The following CCDC192 variants were observed in gnomAD, a reference collection of about 807,000 sequenced individuals.
CCDC192 encodes coiled-coil domain containing 192, also known as coiled-coil domain-containing protein 192.
intron 6 of CCDC192, among the ~76,000 whole-genome samples, chr5:127,938,530 A>G (rs1754247035): frequency 6.6e-6 from 1 of 152,214 alleles, no homozygotes; most frequent in African/African-American, 2.4e-5. Context: ...ACAGAAATAT[A>G]ATGGGAGCCA....
Position 127,890,715 on chromosome 5 carries a change from A to G in CCDC192, c.535+15054A>G, listed in dbSNP as rs73785721. On this transcript the variant is annotated intron_variant, in intron 6 of 6. Coordinates refer to ENST00000514853, the MANE Select transcript of CCDC192 (RefSeq NM_001317938.2). The stretch of plus-strand genomic sequence containing the variant: ...CCATTGCCTGTGAAATAAAATTAAC[A>G]TATTTTAGCCTGACATTCAGGGCCC... Among the ~76,000 whole-genome samples the G allele has an allele frequency of 4.2e-3, 646 of 152,356 alleles. 6 individuals are homozygous for G. The highest frequency in any genetic ancestry group is 0.015 in the African/African-American group (618 of 41,582).
intron 6 of CCDC192, among the ~76,000 whole-genome samples, chr5:127,900,188 C>T (rs757299789): frequency 2.0e-5 from 3 of 152,224 alleles, no homozygotes; most frequent in South Asian, 2.1e-4. Flanking sequence ...ACCGGAATAG[C>T]GTTACAAAAT....
chr5:127,740,803 A>C (rs1440537747), intron 2 of CCDC192, among the ~76,000 whole-genome samples: 1 of 152,162 alleles, frequency 6.6e-6, no homozygotes, highest in Non-Finnish European at 1.5e-5. Context: ...CACTTTACTC[A>C]TGAGCTGACT....
At chr5:127,757,202 A>G (rs1277467262) in intron 3 of CCDC192, among the ~76,000 whole-genome samples, 2 of 152,212 alleles carry the variant, frequency 1.3e-5, no homozygotes, top group African/African-American at 4.8e-5. Flanking sequence ...TATGACTCCA[A>G]GATAAACTGC....
chr5:127,899,189 C>A (rs1037876065), intron 6 of CCDC192, among the ~76,000 whole-genome samples: 1 of 152,044 alleles, frequency 6.6e-6, no homozygotes, highest in Non-Finnish European at 1.5e-5. Context: ...ACAGGGGGAG[C>A]TTCTTTTCAA....
At chr5:127,784,110 C>T (rs1368987988) in intron 3 of CCDC192, among the ~76,000 whole-genome samples, 2 of 152,256 alleles carry the variant, frequency 1.3e-5, no homozygotes, top group East Asian at 3.9e-4. Flanking sequence ...TTAAGTGGAG[C>T]AATATGGCCA....
chr5:127,788,316 T>C (rs1756677761), intron 3 of CCDC192, among the ~76,000 whole-genome samples: 1 of 152,204 alleles, frequency 6.6e-6, no homozygotes, highest in South Asian at 2.1e-4. Flanking sequence ...TATGTGACTA[T>C]GTGACTATGA....
intron 2 of CCDC192, among the ~76,000 whole-genome samples, chr5:127,713,602 C>T (rs1488299098): frequency 6.6e-6 from 1 of 152,110 alleles, no homozygotes; most frequent in Non-Finnish European, 1.5e-5. Flanking sequence ...ATGGACCACG[C>T]TTTGACATCT....
At chr5:127,721,366 G>A (rs917423501) in intron 2 of CCDC192, among the ~76,000 whole-genome samples, 4 of 152,176 alleles carry the variant, frequency 2.6e-5, no homozygotes, top group African/African-American at 9.6e-5. Flanking sequence ...AATGCCTCCA[G>A]CTTCTTTGCT....
intron 6 of CCDC192, among the ~76,000 whole-genome samples, chr5:127,915,668 A>G (rs1753500571): frequency 6.6e-6 from 1 of 152,124 alleles, no homozygotes; most frequent in African/African-American, 2.4e-5. Context: ...GGCGTGAGCC[A>G]CTGCGCCCAG....
intron 3 of CCDC192, among the ~76,000 whole-genome samples, chr5:127,788,218 G>A (rs891228831): frequency 2.1e-4 from 32 of 151,918 alleles, no homozygotes; most frequent in Non-Finnish European, 3.2e-4. Flanking sequence ...GCATTTATGC[G>A]TATAGTTTTA....
rs1561441194 is a variant in CCDC192 at position 127,713,593 on chromosome 5, T to C, written c.114+5833T>C. On this transcript the variant is annotated intron_variant, in intron 2 of 6. Transcript: ENST00000514853. The stretch of plus-strand genomic sequence containing the variant: ...TCTAATTTATCAATTTGTATTTTCA[T>C]GGACCACGCTTTGACATCTGATCTA... 2.6e-5 allele frequency among the ~76,000 whole-genome samples: 4 copies of C among 152,338 alleles called. No individual in the cohort carries two copies. The East Asian group carries it at 5.8e-4, about 22-fold the overall frequency.
intron 6 of CCDC192, among the ~76,000 whole-genome samples, chr5:127,899,095 T>C (rs1325357164): frequency 6.6e-6 from 1 of 152,192 alleles, no homozygotes; most frequent in Non-Finnish European, 1.5e-5. Flanking sequence ...TCATATGTTA[T>C]ACAATGCTGC....
intron 2 of CCDC192, among the ~76,000 whole-genome samples, chr5:127,718,147 G>C (rs1487011683): frequency 6.6e-6 from 1 of 151,986 alleles, no homozygotes; most frequent in African/African-American, 2.4e-5. Flanking sequence ...AAACAACTGG[G>C]CAAGACGACC....
At chr5:127,753,438 C>A (rs1754361831) in intron 2 of CCDC192, among the ~76,000 whole-genome samples, 1 of 152,112 alleles carries the variant, frequency 6.6e-6, no homozygotes, top group South Asian at 2.1e-4. Context: ...TGGCTCACAC[C>A]TGCAATCCCA....
intron 6 of CCDC192, among the ~76,000 whole-genome samples, chr5:127,938,554 T>G (rs1247133056): frequency 6.6e-6 from 1 of 152,186 alleles, no homozygotes; most frequent in Non-Finnish European, 1.5e-5. Flanking sequence ...ATGCAAGCCA[T>G]GTATTTTAAA....
intron 3 of CCDC192, among the ~76,000 whole-genome samples, chr5:127,771,576 T>TGGG (rs1561479261): frequency 6.6e-6 from 1 of 152,094 alleles, no homozygotes; most frequent in African/African-American, 2.4e-5. Flanking sequence ...AGAAGTGGAT[T>TGGG]GGGGGGTAGG....
At chr5:127,848,481 CTT>C (rs1200233057) in intron 5 of CCDC192, among the ~76,000 whole-genome samples, 2 of 152,148 alleles carry the variant, frequency 1.3e-5, no homozygotes, top group East Asian at 3.8e-4. Context: ...GCCTGGGTAA[CTT>C]TCCTTATTGA....
At chr5:127,798,035 A>T in intron 4 of CCDC192, 71 bp from the exon 5 acceptor site, 1 of 396,656 alleles carries the variant, frequency 2.5e-6, no homozygotes, top group East Asian at 3.6e-5. Flanking sequence ...ATACACATTT[A>T]TGTCTGTAAT....
Sources: allele counts gnomAD v4.1 joint callset (sites outside exome capture counted in the v4.1 genomes callset), GRCh38; gene constraint gnomAD v4.1.1; transcripts MANE v1.5; gene names NCBI Gene and HGNC (gene_info 2026-07-23, HGNC 2026-07-21).